ZNF112: variants seen among roughly 807,000 people sequenced by gnomAD.
The protein encoded by ZNF112 is zinc finger protein 112, also known as zinc finger protein 112 (Y14).
A neutral mutation model predicts 77.7 loss-of-function variants in ZNF112; 37 were observed. The observed-to-expected ratio is 0.48, with a 90% CI of 0.37 to 0.63. ZNF112 has a LOEUF of 0.63. Among genes scored for constraint, ZNF112 ranks in the 20% least tolerant of loss-of-function variants. ZNF112 has a pLI of 0.00. For synonymous variants in ZNF112, 333 were observed against 363.6 expected (o/e 0.92, Z 0.96); for missense variants, 950 against 1,077.4 (o/e 0.88, Z 1.66).
Position 44,327,113 on chromosome 19 carries a change from A to G in ZNF112, c.*320T>C. The stretch of plus-strand genomic sequence containing the variant: ...GTTATGAAATGTCCTAGTTTTGTAG[A>G]CTAGCAATGAACAAAGTCCCTTCTT... On this transcript the variant is annotated 3_prime_UTR_variant, in exon 4 of 4. Coordinates refer to ENST00000354340, the MANE Select transcript of ZNF112 (RefSeq NM_013380.4). 1 of 218,824 alleles carries G rather than the reference A, an allele frequency of 4.6e-6. No individual in the cohort carries two copies. The highest frequency in any genetic ancestry group is 9.1e-6 in the Non-Finnish European group (1 of 110,024). 13.6% of individuals were successfully genotyped at this position (218,824 alleles called of 1,614,324 possible).
At chr19:44,365,004 G>A (rs895842633) in intron 1 of ZNF112, among the ~76,000 whole-genome samples, 2 of 151,494 alleles carry the variant, frequency 1.3e-5, no homozygotes, top group African/African-American at 4.9e-5. Context: ...AGCTGGGGGT[G>A]GGTGGGTGTT....
intron 1 of ZNF112, among the ~76,000 whole-genome samples, chr19:44,349,956 G>T (rs865960652): frequency 5.9e-5 from 9 of 151,956 alleles, no homozygotes; most frequent in African/African-American, 2.2e-4. Flanking sequence ...GTGTATTCAA[G>T]GAATCAATGC....
At chr19:44,342,028 G>A (rs1016402244) in intron 1 of ZNF112, among the ~76,000 whole-genome samples, 1 of 152,166 alleles carries the variant, frequency 6.6e-6, no homozygotes, top group Non-Finnish European at 1.5e-5. Flanking sequence ...CAGTGCAAAC[G>A]ACTCTACAGT....
Position 44,341,102 on chromosome 19 carries a change from A to G in ZNF112, c.-3-560T>C, listed in dbSNP as rs956927460. Reference sequence around the variant, plus strand: ...TCCTATCTTCTCATTTGTATGGTGAAACTTATACCATACAGTCCTAGTAAT... The same window carrying G: ...TCCTATCTTCTCATTTGTATGGTGAGACTTATACCATACAGTCCTAGTAAT... On this transcript the variant is annotated intron_variant, in intron 1 of 3. Coordinates refer to ENST00000354340, the MANE Select transcript of ZNF112 (RefSeq NM_013380.4). 1.1e-4 allele frequency: 49 copies of G among 455,204 alleles called. 1 individual carries two copies. The highest frequency in any genetic ancestry group is 7.3e-4 in the South Asian group (47 of 64,180). The allele number at this position is 455,204 out of a possible 1,614,324, so 28.2% of individuals were successfully genotyped here.
At chr19:44,335,906 G>A (rs188737528) in intron 3 of ZNF112, among the ~76,000 whole-genome samples, 3 of 152,334 alleles carry the variant, frequency 2.0e-5, no homozygotes. Flanking sequence ...CTATCAAAAT[G>A]TTTGGATTCA....
chr19:44,328,588 T>C lies in ZNF112; in HGVS notation c.1569A>G (p.Ile523Met), dbSNP rs769640239. 1.7e-5 allele frequency: 27 copies of C among 1,613,938 alleles called. No individual in the cohort carries two copies. The highest frequency in any genetic ancestry group is 2.0e-5 in the Non-Finnish European group (24 of 1,179,978). ...ATCTATGATTGAAACCTTTGCCGCA[T>C]ATATTGCATTTGTATGGCTTCTGTC... ...HTGQKPYKCNICGKGFNHRSV... is the reference protein window; with the variant it reads ...HTGQKPYKCNMCGKGFNHRSV... The change falls in exon 4 of 4, where the codon ATA (isoleucine) becomes ATG (methionine). Residue 523 changes from isoleucine (I) to methionine (M), a missense_variant. Coordinates refer to ENST00000354340, the MANE Select transcript of ZNF112 (RefSeq NM_013380.4).
At chr19:44,333,705 TAA>T (rs1302760788) in intron 3 of ZNF112, among the ~76,000 whole-genome samples, 7 of 152,198 alleles carry the variant, frequency 4.6e-5, no homozygotes, top group Admixed American at 6.5e-5. Flanking sequence ...GCCATATTTA[TAA>T]GTTTCCTGAG....
chr19:44,343,272 T>C (rs1264810840), intron 1 of ZNF112: 1 of 1,613,556 alleles, frequency 6.2e-7, no homozygotes. Flanking sequence ...TGGTCATTTT[T>C]CTCTTTCTTT....
In ZNF112 at chr19:44,327,503, C is replaced by G. The variant is rs763281425; in HGVS notation, c.2654G>C (p.Ser885Thr). The G allele has an allele frequency of 6.2e-6, 10 of 1,613,904 alleles. No homozygotes were observed. The highest frequency in any genetic ancestry group is 8.5e-6 in the Non-Finnish European group (10 of 1,179,904). ...RVHSSDKFYK[S>T]EDYGKDYPSS... ...AGGGTAGTCCTTACCATAGTCTTCG[C>G]TTTTATAGAATTTATCACTACTATG... The change falls in exon 4 of 4, where the codon AGC (serine) becomes ACC (threonine). Residue 885 changes from serine to threonine, a missense_variant. Ser to Thr is a moderately conservative substitution (Grantham distance 58). Around this residue, in one of 3 missense-constraint regions of ZNF112, gnomAD observed 373 missense variants for 482.8 expected, o/e 0.77. Coordinates refer to ENST00000354340, the MANE Select transcript of ZNF112 (RefSeq NM_013380.4).
chr19:44,346,934 C>T (rs570787516), intron 1 of ZNF112, among the ~76,000 whole-genome samples: 7 of 152,282 alleles, frequency 4.6e-5, no homozygotes, highest in Admixed American at 1.3e-4. Context: ...CAAATGTCAA[C>T]GAGGTCAAGA....
intron 2 of ZNF112, among the ~76,000 whole-genome samples, chr19:44,337,877 A>ACC (rs1970415496): frequency 1.6e-5 from 2 of 124,460 alleles, no homozygotes; most frequent in East Asian, 4.8e-4. Context: ...ACACACACAC[A>ACC]CCCTAGCTCT....
upstream of ZNF112, among the ~76,000 whole-genome samples, chr19:44,360,798 G>A (rs1158344292): frequency 6.6e-6 from 1 of 152,120 alleles, no homozygotes; most frequent in Non-Finnish European, 1.5e-5. Context: ...AACAATCTAA[G>A]GCTGGTGGAT....
upstream of ZNF112, among the ~76,000 whole-genome samples, chr19:44,358,083 C>T (rs1159263101): frequency 1.2e-4 from 17 of 144,650 alleles, 1 homozygote; most frequent in East Asian, 6.5e-4. Flanking sequence ...ACCCGGGAGG[C>T]GGAGCTTGCA....
intron 3 of ZNF112, among the ~76,000 whole-genome samples, chr19:44,336,370 G>C (rs1175406983): frequency 6.6e-6 from 1 of 152,186 alleles, no homozygotes; most frequent in Non-Finnish European, 1.5e-5. Flanking sequence ...AGAGGTCTGA[G>C]GGGGCAATCA....
At position 44,343,259 on chromosome 19, in the gene ZNF112, A is replaced by G. The variant is rs778604496; in HGVS notation, c.-3-2717T>C. 8.1e-6 allele frequency: 13 copies of G among 1,613,538 alleles called. No individual in the cohort carries two copies. Among genetic ancestry groups the G allele is most frequent in the Non-Finnish European group, 1.1e-5 (13 of 1,179,740 alleles). On this transcript the variant is annotated intron_variant, in intron 1 of 3. Transcript: ENST00000354340. Reference sequence around the variant, plus strand: ...ATAAATGAAAACCAGCTCACCTGGAATTTGGTCATTTTTCTCTTTCTTTTT... The same window carrying G: ...ATAAATGAAAACCAGCTCACCTGGAGTTTGGTCATTTTTCTCTTTCTTTTT...
At chr19:44,338,050 G>A (rs1970421249) in intron 2 of ZNF112, among the ~76,000 whole-genome samples, 1 of 150,232 alleles carries the variant, frequency 6.7e-6, no homozygotes, top group Non-Finnish European at 1.5e-5. Context: ...ACTGTTCTCT[G>A]CCAACAAAGT....
intron 1 of ZNF112, among the ~76,000 whole-genome samples, chr19:44,346,475 T>C (rs918894510): frequency 3.3e-5 from 5 of 152,208 alleles, no homozygotes; most frequent in African/African-American, 1.2e-4. Context: ...TGTTGCAAAG[T>C]ATGTTTATTT....
chr19:44,358,028 T>C (rs896042323), upstream of ZNF112, among the ~76,000 whole-genome samples: 1 of 152,044 alleles, frequency 6.6e-6, no homozygotes, highest in Non-Finnish European at 1.5e-5. Context: ...GGCGGGCACC[T>C]GTAGTCCCAG....
At chr19:44,335,097 G>A (rs1000239896) in intron 3 of ZNF112, among the ~76,000 whole-genome samples, 2 of 152,256 alleles carry the variant, frequency 1.3e-5, no homozygotes, top group Non-Finnish European at 1.5e-5. Flanking sequence ...CAGAGGCAGA[G>A]ATGCCCAAGG....
Sources: allele counts gnomAD v4.1 joint callset (sites outside exome capture counted in the v4.1 genomes callset), GRCh38; gene constraint gnomAD v4.1.1; regional missense constraint gnomAD v4.1.1; transcripts MANE v1.5; gene names NCBI Gene and HGNC (gene_info 2026-07-23, HGNC 2026-07-21).